SGCG: variants seen among roughly 807,000 people sequenced by gnomAD.
SGCG encodes gamma-sarcoglycan.
A neutral mutation model predicts 29.3 loss-of-function variants in SGCG; 26 were observed. That is an observed-to-expected ratio of 0.89 (90% CI 0.65 to 1.23). SGCG has a LOEUF of 1.23. Among genes scored for constraint, SGCG ranks in the 50% most tolerant of loss-of-function variants. The pLI is 0.00. For missense variants in SGCG, 353 were observed against 356.0 expected (o/e 0.99, Z 0.07); for synonymous variants, 145 against 129.7 (o/e 1.12, Z -0.80).
At chr13:23,177,487 G>A (rs2050578), upstream of SGCG, among the ~76,000 whole-genome samples, 45,575 of 150,086 alleles carry the variant, frequency 0.3, 7,242 homozygotes, top group East Asian at 0.42. Context: ...GAAGTATCAC[G>A]TTGTACCCAG....
intron 1 of SGCG, among the ~76,000 whole-genome samples, chr13:23,182,321 G>A (rs1023338846): frequency 7.2e-5 from 11 of 152,228 alleles, no homozygotes; most frequent in African/African-American, 1.9e-4. Flanking sequence ...TCATCACAGC[G>A]CTTGTGTCTT....
chr13:23,255,065 A>G (rs1019331990), intron 4 of SGCG, among the ~76,000 whole-genome samples: 10 of 152,232 alleles, frequency 6.6e-5, no homozygotes, highest in African/African-American at 1.9e-4. Flanking sequence ...TGAAAGCCCC[A>G]AAGTCCCTAC....
chr13:23,194,595 C>G (rs143824681), intron 1 of SGCG, among the ~76,000 whole-genome samples: 126 of 152,284 alleles, frequency 8.3e-4, no homozygotes, highest in African/African-American at 2.9e-3. Context: ...CTTCTGATAG[C>G]AGAGGCCAGC....
intron 4 of SGCG, among the ~76,000 whole-genome samples, chr13:23,269,673 T>C (rs552533844): frequency 6.6e-6 from 1 of 152,282 alleles, no homozygotes; most frequent in South Asian, 2.1e-4. Flanking sequence ...AATTACTCCA[T>C]ATTAATTCAT....
At chr13:23,251,190 A>G (rs1465884813) in intron 4 of SGCG, among the ~76,000 whole-genome samples, 2 of 152,010 alleles carry the variant, frequency 1.3e-5, no homozygotes, top group East Asian at 3.9e-4. Flanking sequence ...ATCACTTCTC[A>G]CTGTACAGAA....
chr13:23,184,036 T>C (rs1371424030), intron 1 of SGCG, among the ~76,000 whole-genome samples: 1 of 152,252 alleles, frequency 6.6e-6, no homozygotes, highest in Admixed American at 6.5e-5. Context: ...CTGGAATGCA[T>C]TTGAATGTTT....
At chr13:23,216,049 A>C (rs762613849) in intron 2 of SGCG, among the ~76,000 whole-genome samples, 1 of 152,186 alleles carries the variant, frequency 6.6e-6, no homozygotes, top group Non-Finnish European at 1.5e-5. Context: ...AGAATCTTGA[A>C]CATGTTTCTC....
chr13:23,267,687 A>C (rs1424213615), intron 4 of SGCG: 1 of 152,332 alleles, frequency 6.6e-6, no homozygotes, highest in Non-Finnish European at 1.5e-5. Context: ...CACACCTAAG[A>C]GACAGCAATG....
At chr13:23,218,399 A>T (rs1878513211) in intron 2 of SGCG, among the ~76,000 whole-genome samples, 1 of 152,120 alleles carries the variant, frequency 6.6e-6, no homozygotes, top group Admixed American at 6.5e-5. Flanking sequence ...TTTCAGAAAG[A>T]GTTGGTGGGG....
chr13:23,290,818 A>G (rs2137636431), intron 5 of SGCG, among the ~76,000 whole-genome samples: 1 of 152,344 alleles, frequency 6.6e-6, no homozygotes, highest in Admixed American at 6.5e-5. Flanking sequence ...AAGTATTAAT[A>G]TTGAATTCAA....
intron 2 of SGCG, among the ~76,000 whole-genome samples, chr13:23,232,404 C>T (rs1400313345): frequency 6.6e-6 from 1 of 152,186 alleles, no homozygotes; most frequent in African/African-American, 2.4e-5. Flanking sequence ...TCACCTGTCA[C>T]AACGTAAAAT....
At chr13:23,182,065 A>T (rs186985043) in intron 1 of SGCG, among the ~76,000 whole-genome samples, 1 of 152,346 alleles carries the variant, frequency 6.6e-6, no homozygotes, top group East Asian at 1.9e-4. Flanking sequence ...AGTTAGATAT[A>T]GCATTCCAAA....
chr13:23,215,923 TACAAG>T (rs1878408488), intron 2 of SGCG, among the ~76,000 whole-genome samples: 1 of 142,900 alleles, frequency 7.0e-6, no homozygotes, highest in Non-Finnish European at 1.6e-5. Flanking sequence ...TTCAGTAGCT[TACAAG>T]ACTATGTGCA....
intron 4 of SGCG, among the ~76,000 whole-genome samples, chr13:23,261,501 T>C (rs1385090967): frequency 3.3e-5 from 5 of 152,002 alleles, no homozygotes; most frequent in Non-Finnish European, 7.4e-5. Context: ...CTCTACAAAA[T>C]ATGGAATTAT....
chr13:23,316,020 C>T (rs1194934713), intron 6 of SGCG, among the ~76,000 whole-genome samples: 1 of 152,186 alleles, frequency 6.6e-6, no homozygotes, highest in African/African-American at 2.4e-5. Flanking sequence ...AACAAAGTGG[C>T]CATGGTGGCA....
In SGCG at chr13:23,324,389, G is replaced by T; in HGVS notation, c.724G>T (p.Val242Leu). ...DGMLVLDAET[V>L]CLPKLVQGTW... The stretch of plus-strand genomic sequence containing the variant: ...CCAGCTTGTGCTTGATGCTGAAACT[G>T]TGTGCTTACCCAAGCTGGTGCAGGG... The change falls in exon 8 of 8, where the codon GTG becomes TTG. Residue 242 changes from valine to leucine, a missense_variant. By Grantham distance (32) the Val-to-Leu change is conservative (BLOSUM62 1). Coordinates refer to ENST00000218867, the MANE Select transcript of SGCG (RefSeq NM_000231.3). 1 of 1,614,184 alleles carries T rather than the reference G, an allele frequency of 6.2e-7. No individual in the cohort carries two copies. Among genetic ancestry groups the T allele is most frequent in the Non-Finnish European group, 8.5e-7 (1 of 1,180,030 alleles).
rs537208094 is a variant in SGCG, at chr13:23,269,364, G to A, written c.386-9995G>A. Among the ~76,000 whole-genome samples, 8 of 152,338 alleles carry A rather than the reference G, an allele frequency of 5.3e-5. No individual in the cohort carries two copies. The East Asian group carries it at 9.6e-4, about 18-fold the overall frequency. On this transcript the variant is annotated intron_variant, in intron 4 of 7. Transcript: ENST00000218867. ...GCTATTTTGGAGGGTGTGTGCTGCA[G>A]TGGGGTGCATGCATCGTTACTATTG...
At chr13:23,250,589 A>C (rs1309644913) in intron 3 of SGCG, 41 bp from the exon 4 acceptor site, 2 of 944,428 alleles carry the variant, frequency 2.1e-6, no homozygotes, top group Admixed American at 3.5e-5. Flanking sequence ...TAATCATTTT[A>C]AACAGCACCT....
chr13:23,191,754 G>A (rs181345970), intron 1 of SGCG, among the ~76,000 whole-genome samples: 3 of 152,126 alleles, frequency 2.0e-5, no homozygotes, highest in African/African-American at 7.2e-5. Context: ...CTTCCTTCCC[G>A]ATCCAACACA....
Sources: gnomAD v4.1 joint callset for allele counts (sites outside exome capture counted in the v4.1 genomes callset) on GRCh38, gnomAD v4.1.1 for gene constraint, MANE v1.5 for transcripts, NCBI Gene and HGNC (gene_info 2026-07-23, HGNC 2026-07-21) for gene names.